CACNA1A: variants seen among roughly 807,000 people sequenced by gnomAD.
CACNA1A encodes calcium voltage-gated channel subunit alpha1 A, also known as voltage-dependent P/Q-type calcium channel subunit alpha-1A.
A neutral mutation model predicts 262.4 loss-of-function variants in CACNA1A; 57 were observed. That is an observed-to-expected ratio of 0.22 (90% CI 0.18 to 0.27). The LOEUF (loss-of-function observed/expected upper bound fraction) is 0.27, where lower values mean the gene tolerates loss of function less well. Ranked by LOEUF, CACNA1A falls within the 10% of genes least tolerant of loss-of-function variation. The pLI is 1.00. For synonymous variants in CACNA1A, 1,431 were observed against 1,419.3 expected (o/e 1.01, Z -0.18); for missense variants, 2,526 against 3,562.8 (o/e 0.71, Z 7.41).
In CACNA1A at chr19:13,491,519, G is replaced by A. The variant is rs1031339277; in HGVS notation, c.293+14413C>T. Among the ~76,000 whole-genome samples the A allele has an allele frequency of 1.2e-4, 18 of 152,124 alleles. 1 individual carries two copies. Among genetic ancestry groups the A allele is most frequent in the South Asian group, 4.2e-4 (2 of 4,814 alleles). On this transcript the variant is annotated intron_variant, in intron 1 of 46. Transcript: ENST00000360228. Reference sequence around the variant, plus strand: ...CAGGAGCCAAGAAAAGGGCCTTTCCGTCATGAATGTGGAAAATGGTCTGTT... The same window carrying A: ...CAGGAGCCAAGAAAAGGGCCTTTCCATCATGAATGTGGAAAATGGTCTGTT...
At chr19:13,209,157 T>G in intron 45 of CACNA1A, 148 bp from the exon 46 acceptor site, 3 of 1,327,804 alleles carry the variant, frequency 2.3e-6, no homozygotes, top group Non-Finnish European at 3.1e-6. Context: ...GAGGGGGTAG[T>G]ACCCAGGTTC....
intron 11 of CACNA1A, chr19:13,315,189 T>G (rs1181205675): frequency 6.9e-6 from 1 of 145,818 alleles, no homozygotes. Context: ...CTGAAATTAA[T>G]GTGTATCTTT....
rs1473736417 is a variant in CACNA1A at position 13,330,352 on chromosome 19, G to C, written c.1256-19C>G. 1.3e-6 allele frequency: 2 copies of C among 1,544,102 alleles called. No homozygotes were observed. Among genetic ancestry groups the C allele is most frequent in the African/African-American group, 2.7e-5 (2 of 73,242 alleles). On this transcript the variant is annotated intron_variant, in intron 9 of 46. Transcript: ENST00000360228. The stretch of plus-strand genomic sequence containing the variant: ...CGCAGAGCTCCAACAATGGAAACAT[G>C]GCAAGAGAAAAAGACGTTACCCTTT...
At chr19:13,221,053 C>T (rs1476784414) in intron 38 of CACNA1A, among the ~76,000 whole-genome samples, 4 of 150,530 alleles carry the variant, frequency 2.7e-5, no homozygotes, top group Non-Finnish European at 5.9e-5. Flanking sequence ...CTCTTCCTCC[C>T]TTCTTTCCCT....
intron 10 of CACNA1A, among the ~76,000 whole-genome samples, chr19:13,319,185 T>C (rs1268022538): frequency 6.6e-6 from 1 of 152,224 alleles, no homozygotes; most frequent in South Asian, 2.1e-4. Flanking sequence ...TGAATTACCA[T>C]GCCCAGGCTT....
At chr19:13,456,400 T>C (rs980766031) in intron 1 of CACNA1A, among the ~76,000 whole-genome samples, 3 of 152,044 alleles carry the variant, frequency 2.0e-5, no homozygotes, top group African/African-American at 7.2e-5. Context: ...CGGCCAGGTG[T>C]GGTGGCTCAC....
chr19:13,407,424 T>C (rs2060030699), intron 3 of CACNA1A, among the ~76,000 whole-genome samples: 1 of 152,220 alleles, frequency 6.6e-6, no homozygotes, highest in African/African-American at 2.4e-5. Flanking sequence ...TCCTATTTCC[T>C]TCTCTGTAAA....
At chr19:13,445,496 T>C (rs1049592476) in intron 3 of CACNA1A, among the ~76,000 whole-genome samples, 1 of 152,208 alleles carries the variant, frequency 6.6e-6, no homozygotes, top group Non-Finnish European at 1.5e-5. Context: ...CTTTTCCGGC[T>C]TAACAACCAT....
At chr19:13,283,149 G>A (rs1384476966) in intron 22 of CACNA1A, 118 bp downstream of exon 22, 3 of 1,229,774 alleles carry the variant, frequency 2.4e-6, no homozygotes, top group Non-Finnish European at 1.1e-6. Context: ...CAGCCATAAG[G>A]GCTATGCCTA....
At position 13,214,400 on chromosome 19, in the gene CACNA1A, G is replaced by A; in HGVS notation, c.5840-67C>T. The A allele has an allele frequency of 1.3e-6, 2 of 1,555,418 alleles. No homozygotes were observed. Among genetic ancestry groups the A allele is most frequent in the Non-Finnish European group, 1.8e-6 (2 of 1,131,472 alleles). ...TTTGGGGCCCTTGTCCTGGGTCCCTGTGTATACCAGCCCAGGCCAACACTC... is the reference window on the plus strand; with the variant it reads ...TTTGGGGCCCTTGTCCTGGGTCCCTATGTATACCAGCCCAGGCCAACACTC... On this transcript the variant is annotated intron_variant, in intron 39 of 46. Transcript: ENST00000360228. This position sits in a 1 kb window ranked among gnomAD's most constrained non-coding sequence, Gnocchi z 4.1.
At chr19:13,455,235 T>A (rs375371428) in intron 1 of CACNA1A, 23 bp from the exon 2 acceptor site, 1 of 1,488,050 alleles carries the variant, frequency 6.7e-7, no homozygotes, top group Non-Finnish European at 9.4e-7. Flanking sequence ...TAAGGAAAAA[T>A]CTTGTTCAAA....
chr19:13,452,639 C>T, intron 3 of CACNA1A: 1 of 387,742 alleles, frequency 2.6e-6, no homozygotes, highest in Non-Finnish European at 4.6e-6. Context: ...GGGCATAAAG[C>T]ACTCTGGAAG....
At chr19:13,289,108 C>T (rs937902290) in intron 19 of CACNA1A, among the ~76,000 whole-genome samples, 12 of 150,296 alleles carry the variant, frequency 8.0e-5, no homozygotes, top group African/African-American at 2.9e-4. Context: ...TTTCAGAAGA[C>T]AGGCTGACCT....
intron 19 of CACNA1A, among the ~76,000 whole-genome samples, chr19:13,298,232 G>C (rs2057708663): frequency 6.7e-6 from 1 of 150,194 alleles, no homozygotes; most frequent in Non-Finnish European, 1.5e-5. Context: ...CTGTTTTCAG[G>C]CGATTCTCCT....
rs543654796 is a variant in CACNA1A, at chr19:13,308,046, C to T, written c.1913+74G>A. 241 of 1,577,544 alleles carry T rather than the reference C, an allele frequency of 1.5e-4. 2 individuals are homozygous for T. The highest frequency in any genetic ancestry group is 1.3e-3 in the South Asian group (115 of 86,270). ...TGGGCTACGAGGAAGGCAGCCTGCA[C>T]GGTGGAGGGGACTGTGTGTTCCCTG... On this transcript the variant is annotated intron_variant, in intron 14 of 46. Coordinates refer to ENST00000360228, the MANE Select transcript of CACNA1A (RefSeq NM_001127222.2). The surrounding 1 kb of genome is among the most constrained non-coding windows in gnomAD (Gnocchi z 4.2).
Position 13,212,017 on chromosome 19 carries a change from A to G in CACNA1A, c.6303+86T>C. The G allele has an allele frequency of 2.2e-6, 2 of 925,566 alleles. No homozygotes were observed. The highest frequency in any genetic ancestry group is 1.5e-5 in the South Asian group (1 of 68,462). 57.3% of individuals were successfully genotyped at this position (925,566 alleles called of 1,614,324 possible). A position where few individuals can be genotyped will look rare whatever the true frequency, so the allele number is the denominator to read the frequency against. ...CAGGCCTGAGTCCGGCAGGGAGGGG[A>G]TGCACTGGGCTGCTTGTGGGGGGGC... is the stretch of plus-strand genomic sequence containing the variant. On this transcript the variant is annotated intron_variant, in intron 43 of 46. Transcript: ENST00000360228. This position sits in a 1 kb window ranked among gnomAD's most constrained non-coding sequence, Gnocchi z 5.6.
In CACNA1A at chr19:13,214,160, C is replaced by T. The variant is rs958069466; in HGVS notation, c.5940+73G>A. On this transcript the variant is annotated intron_variant, in intron 40 of 46. Transcript: ENST00000360228. The surrounding 1 kb of genome is among the most constrained non-coding windows in gnomAD (Gnocchi z 4.1). ...CCTGGGGCTCAGCCACCCTCATATTCCAGTTGGTTCCCGTGGTGACATGCA... is the reference window on the plus strand; with the variant it reads ...CCTGGGGCTCAGCCACCCTCATATTTCAGTTGGTTCCCGTGGTGACATGCA... The T allele has an allele frequency of 3.2e-6, 4 of 1,250,036 alleles. No individual in the cohort carries two copies. In the South Asian group the frequency reaches 3.8e-5, roughly 12 times the overall value. 77.4% of individuals were successfully genotyped at this position (1,250,036 alleles called of 1,614,324 possible).
chr19:13,305,155 T>C (rs1467902233), intron 15 of CACNA1A, among the ~76,000 whole-genome samples: 1 of 152,000 alleles, frequency 6.6e-6, no homozygotes, highest in African/African-American at 2.4e-5. Context: ...ATCAAGCGAG[T>C]TTCCACTGTA....
At chr19:13,494,158 C>G (rs911842828) in intron 1 of CACNA1A, among the ~76,000 whole-genome samples, 6 of 152,176 alleles carry the variant, frequency 3.9e-5, no homozygotes, top group Admixed American at 3.9e-4. Context: ...CTTATTTTTT[C>G]AAGGATACCT....
Sources: allele counts gnomAD v4.1 joint callset (sites outside exome capture counted in the v4.1 genomes callset), GRCh38; gene constraint gnomAD v4.1.1; non-coding constraint Gnocchi (gnomAD v3.1); transcripts MANE v1.5; gene names NCBI Gene and HGNC (gene_info 2026-07-23, HGNC 2026-07-21).